The following HNRNPA1 variants were observed in gnomAD, a reference collection of about 807,000 sequenced individuals.
HNRNPA1 encodes the protein heterogeneous nuclear ribonucleoprotein A1, also known as epididymis secretory sperm binding protein.
HNRNPA1 carries 7 observed loss-of-function variants against 44.4 expected under a neutral mutation model. The observed-to-expected ratio is 0.16, with a 90% CI of 0.09 to 0.30. The LOEUF (loss-of-function observed/expected upper bound fraction) is 0.30, where lower values mean the gene tolerates loss of function less well. HNRNPA1 is among the 10% of genes least tolerant of loss of function. The pLI is 1.00. For synonymous variants in HNRNPA1, 169 were observed against 160.6 expected (o/e 1.05, Z -0.40); for missense variants, 193 against 465.8 (o/e 0.41, Z 5.39).
chr12:54,283,321 G>A, intron 8 of HNRNPA1, 87 bp downstream of exon 8: 4 of 1,416,848 alleles, frequency 2.8e-6, no homozygotes, highest in South Asian at 1.2e-5. Context: ...AGCATTGTGT[G>A]GTACACTGCA....
At position 54,284,857 on chromosome 12, in the gene HNRNPA1, C is replaced by T. The variant is rs3953256; in HGVS notation, c.*313C>T. The T allele has an allele frequency of 3.9e-5, 12 of 306,864 alleles. No homozygotes were observed. Among genetic ancestry groups the T allele is most frequent in the South Asian group, 1.1e-4 (4 of 35,452 alleles). The allele number at this position is 306,864 out of a possible 1,614,324, so 19.0% of individuals were successfully genotyped here. Reference sequence around the variant, plus strand: ...GCTAAATGTAACAGTCTGATCGTGACGCTGAATAAATGTCTTTTTTTTAAT... The same window carrying T: ...GCTAAATGTAACAGTCTGATCGTGATGCTGAATAAATGTCTTTTTTTTAAT... On this transcript the variant is annotated 3_prime_UTR_variant, in exon 11 of 11. Transcript: ENST00000340913.
chr12:54,282,494 T>C lies in HNRNPA1; in HGVS notation c.583+8T>C. 1 of 1,612,612 alleles carries C rather than the reference T, an allele frequency of 6.2e-7. No individual in the cohort carries two copies. On this transcript the variant is annotated splice_region_variant and intron_variant, in intron 5 of 10. Coordinates refer to ENST00000340913, the MANE Select transcript of HNRNPA1 (RefSeq NM_031157.4). ...CTTCATCCAGCCAAAGAGGTATGCT[T>C]GTTGCTTAATTAAACCTTAAAGGTA...
In HNRNPA1 at chr12:54,281,378, C is replaced by A. The variant is rs761874206; in HGVS notation, c.16-8C>A. On this transcript the variant is annotated splice_polypyrimidine_tract_variant and splice_region_variant and intron_variant, in intron 1 of 10. Transcript: ENST00000340913. ...CCCATTTAACACTTCCCCCTCCCCC[C>A]ACTCTAGTCTCCTAAAGAGCCCGAA... The A allele has an allele frequency of 7.3e-6, 11 of 1,499,372 alleles. No individual in the cohort carries two copies. The highest frequency in any genetic ancestry group is 4.2e-5 in the African/African-American group (3 of 71,448). 92.9% of individuals were successfully genotyped at this position (1,499,372 alleles called of 1,614,324 possible).
intron 6 of HNRNPA1, 29 bp downstream of exon 6, chr12:54,282,694 T>A: frequency 6.2e-7 from 1 of 1,600,608 alleles, no homozygotes; most frequent in Non-Finnish European, 8.6e-7. Context: ...CATGTAGTTC[T>A]GACTTCTCAC....
intron 8 of HNRNPA1, 61 bp from the exon 9 acceptor site, chr12:54,283,751 C>A: frequency 1.3e-6 from 2 of 1,519,908 alleles, no homozygotes; most frequent in Non-Finnish European, 1.8e-6. Flanking sequence ...GACTGCTAAA[C>A]AGAATTGGAA....
Position 54,286,153 on chromosome 12 carries a change from G to C in HNRNPA1, c.*1609G>C, listed in dbSNP as rs1329019250. 6.6e-6 allele frequency: 1 copy of C among 152,166 alleles called. No homozygotes were observed. Among genetic ancestry groups the C allele is most frequent in the Non-Finnish European group, 1.5e-5 (1 of 68,088 alleles). 9.4% of individuals were successfully genotyped at this position (152,166 alleles called of 1,614,324 possible). On this transcript the variant is annotated 3_prime_UTR_variant, in exon 11 of 11. Transcript: ENST00000340913. ...ATAAGCCAGGGGCAGGCCACGGCAC[G>C]CTCCATGAAAGCTAGGAGGGAGTGA...
chr12:54,286,671 T>C lies in HNRNPA1; in HGVS notation c.*2127T>C, dbSNP rs1047234010. The C allele has an allele frequency of 6.6e-6, 1 of 152,200 alleles. No individual in the cohort carries two copies. The highest frequency in any genetic ancestry group is 2.4e-5 in the African/African-American group (1 of 41,454). The allele number at this position is 152,200 out of a possible 1,614,324, so 9.4% of individuals were successfully genotyped here. A position where few individuals can be genotyped will look rare whatever the true frequency, so the allele number is the denominator to read the frequency against. ...TTGTTTACTTTTCTAGGGAGGAGTC[T>C]GCTACTAGTCTTATCAGCTCTTAAA... On this transcript the variant is annotated 3_prime_UTR_variant, in exon 11 of 11. Transcript: ENST00000340913.
chr12:54,281,334 A>G, intron 1 of HNRNPA1, 52 bp from the exon 2 acceptor site: 1 of 996,092 alleles, frequency 1.0e-6, no homozygotes, highest in Non-Finnish European at 1.6e-6. Flanking sequence ...TCCTCGATGG[A>G]AATTGTTTCG....
chr12:54,286,818 C>T lies in HNRNPA1; in HGVS notation c.*2274C>T, dbSNP rs1055041670. On this transcript the variant is annotated 3_prime_UTR_variant, in exon 11 of 11. Coordinates refer to ENST00000340913, the MANE Select transcript of HNRNPA1 (RefSeq NM_031157.4). ...TGACAAGCTGTACCTTAAACCAAAACACTTCGTAATCTCATCCAATTGCAA... is the reference window on the plus strand; with the variant it reads ...TGACAAGCTGTACCTTAAACCAAAATACTTCGTAATCTCATCCAATTGCAA... 1 of 152,240 alleles carries T rather than the reference C, an allele frequency of 6.6e-6. No individual in the cohort carries two copies. Among genetic ancestry groups the T allele is most frequent in the Non-Finnish European group, 1.5e-5 (1 of 68,046 alleles). The allele number at this position is 152,240 out of a possible 1,614,324, so 9.4% of individuals were successfully genotyped here. A position where few individuals can be genotyped will look rare whatever the true frequency, so the allele number is the denominator to read the frequency against.
At chr12:54,280,969 C>T in intron 1 of HNRNPA1, 147 bp downstream of exon 1, 1 of 864,090 alleles carries the variant, frequency 1.2e-6, no homozygotes, top group Non-Finnish European at 2.0e-6. Context: ...GTTCAAGTCG[C>T]CATTTTGTCC....
intron 1 of HNRNPA1, 141 bp downstream of exon 1, chr12:54,280,963 A>G (rs1944149575): frequency 6.5e-6 from 6 of 918,136 alleles, no homozygotes; most frequent in Middle Eastern, 2.1e-4. Flanking sequence ...CCCAAAGTTC[A>G]AGTCGCCATT....
chr12:54,281,572 G>A, intron 2 of HNRNPA1, 70 bp downstream of exon 2: 2 of 1,131,334 alleles, frequency 1.8e-6, no homozygotes, highest in Non-Finnish European at 2.7e-6. Flanking sequence ...AGTCTTCTCC[G>A]AATGCTTATG....
chr12:54,283,260 T>G (rs771223732), intron 8 of HNRNPA1, 26 bp downstream of exon 8: 1 of 1,608,212 alleles, frequency 6.2e-7, no homozygotes, highest in Non-Finnish European at 8.5e-7. Context: ...TCCAAGTACT[T>G]GGTGTGACAG....
At chr12:54,282,538 A>G in intron 5 of HNRNPA1, 35 bp from the exon 6 acceptor site, 15 of 1,610,190 alleles carry the variant, frequency 9.3e-6, no homozygotes, top group Non-Finnish European at 1.3e-5. Context: ...TTACTCCAGT[A>G]TGAATGATTT....
Position 54,281,814 on chromosome 12 carries a change from C to G in HNRNPA1, c.152C>G (p.Thr51Ser). The G allele has an allele frequency of 2.5e-6, 4 of 1,612,226 alleles. No homozygotes were observed. The highest frequency in any genetic ancestry group is 3.4e-6 in the Non-Finnish European group (4 of 1,179,598). The change falls in exon 3 of 11, where the codon ACC becomes AGC. Residue 51 changes from threonine (T) to serine (S), a missense_variant. Thr to Ser is a moderately conservative substitution (Grantham distance 58). Around this residue, in one of 2 missense-constraint regions of HNRNPA1, gnomAD observed 57 missense variants for 231.3 expected, o/e 0.25. Transcript: ENST00000340913. ...TDCVVMRDPNTKRSRGFGFVT... is the reference protein window; with the variant it reads ...TDCVVMRDPNSKRSRGFGFVT... ...TCTCAGGTAATGAGAGATCCAAACA[C>G]CAAGCGCTCCAGGGGCTTTGGGTTT...
At chr12:54,282,069 C>T in intron 3 of HNRNPA1, 21 bp from the exon 4 acceptor site, 1 of 1,609,280 alleles carries the variant, frequency 6.2e-7, no homozygotes, top group Non-Finnish European at 8.5e-7. Flanking sequence ...TAATCTAAAC[C>T]TATGGTTTTT....
At position 54,281,824 on chromosome 12, in the gene HNRNPA1, C is replaced by G; in HGVS notation, c.162C>G (p.Ser54=). 6.2e-7 allele frequency: 1 copy of G among 1,613,098 alleles called. No homozygotes were observed. The highest frequency in any genetic ancestry group is 2.2e-5 in the East Asian group (1 of 44,884). ...TGAGAGATCCAAACACCAAGCGCTC[C>G]AGGGGCTTTGGGTTTGTCACATATG... The part of the protein sequence containing the change: ...VVMRDPNTKR[S]RGFGFVTYAT... The change falls in exon 3 of 11, where the codon TCC becomes TCG. Residue 54 remains serine (S), a synonymous_variant. Transcript: ENST00000340913.
At position 54,282,492 on chromosome 12, in the gene HNRNPA1, C is replaced by G. The variant is rs549252453; in HGVS notation, c.583+6C>G. The G allele has an allele frequency of 1.2e-6, 2 of 1,612,410 alleles. No homozygotes were observed. The highest frequency in any genetic ancestry group is 8.5e-7 in the Non-Finnish European group (1 of 1,178,882). ...TGCTTCATCCAGCCAAAGAGGTATG[C>G]TTGTTGCTTAATTAAACCTTAAAGG... On this transcript the variant is annotated splice_donor_region_variant and intron_variant, in intron 5 of 10. Transcript: ENST00000340913.
intron 7 of HNRNPA1, 85 bp downstream of exon 7, chr12:54,282,959 A>ATG (rs1158097323): frequency 6.7e-7 from 1 of 1,481,914 alleles, no homozygotes; most frequent in Non-Finnish European, 9.2e-7. Flanking sequence ...ATTCTGGTGC[A>ATG]TGTCAAACTC....
Sources: gnomAD v4.1 joint callset for allele counts on GRCh38, gnomAD v4.1.1 for gene constraint, gnomAD v4.1.1 regional missense constraint, MANE v1.5 for transcripts, NCBI Gene and HGNC (gene_info 2026-07-23, HGNC 2026-07-21) for gene names.